The following AHCTF1 variants were observed in gnomAD, a reference collection of about 807,000 sequenced individuals.
The protein encoded by AHCTF1 is protein ELYS.
AHCTF1 carries 24 observed loss-of-function variants against 248.4 expected under a neutral mutation model. The ratio of observed to expected loss-of-function variants is 0.10; its 90% CI spans 0.07 to 0.14. The LOEUF is 0.14. AHCTF1 is among the 10% of genes least tolerant of loss of function. AHCTF1 has a pLI of 1.00. For synonymous variants in AHCTF1, 786 were observed against 929.8 expected (o/e 0.85, Z 2.81); for missense variants, 2,206 against 2,636.2 (o/e 0.84, Z 3.57).
chr1:246,863,987 T>A lies in AHCTF1; in HGVS notation c.3477A>T (p.Gly1159=). ...AAGCCCTGGAGATGGCCTGAGGCGA[T>A]CCTTTTAATTGCGAACTTGAGGGCA... ...RSLPSSSQLK[G]SPQAISRASE... Residue 1159 remains glycine (G), a synonymous_variant, in exon 27 of 36, where the codon GGA becomes GGT. Coordinates refer to ENST00000648844, the MANE Select transcript of AHCTF1 (RefSeq NM_001323342.2). 2.5e-6 allele frequency: 4 copies of A among 1,614,120 alleles called. No homozygotes were observed. Among genetic ancestry groups the A allele is most frequent in the Non-Finnish European group, 3.4e-6 (4 of 1,180,024 alleles).
intron 10 of AHCTF1, 123 bp downstream of exon 10, chr1:246,899,942 C>T (rs747079897): frequency 3.0e-5 from 28 of 930,252 alleles, no homozygotes; most frequent in Middle Eastern, 3.5e-4. Flanking sequence ...CCTAAGTTAT[C>T]CATATGTTAA....
chr1:246,926,872 C>T (rs1666953159), intron 1 of AHCTF1, among the ~76,000 whole-genome samples: 1 of 150,938 alleles, frequency 6.6e-6, no homozygotes, highest in Admixed American at 6.6e-5. Flanking sequence ...AAACAAGTCT[C>T]AAAACAAACA....
At position 246,931,878 on chromosome 1, in the gene AHCTF1, C is replaced by T. The variant is rs896428530; in HGVS notation, c.-308G>A. ...CCCGCCGCGCTTCTGGGTCCTTCCC[C>T]TTGCAACGCTGCCTGCTCGCCTCGG... is the stretch of plus-strand genomic sequence containing the variant. On this transcript the variant is annotated 5_prime_UTR_variant, in exon 1 of 36. Transcript: ENST00000648844. 6.5e-6 allele frequency: 1 copy of T among 152,680 alleles called. No individual in the cohort carries two copies. The highest frequency in any genetic ancestry group is 2.4e-5 in the African/African-American group (1 of 41,474). 9.5% of individuals were successfully genotyped at this position (152,680 alleles called of 1,614,324 possible).
intron 29 of AHCTF1, 34 bp from the exon 30 acceptor site, chr1:246,857,848 C>CTAAA (rs1438372243): frequency 6.5e-7 from 1 of 1,548,312 alleles, no homozygotes; most frequent in African/African-American, 1.4e-5. Flanking sequence ...ATTATTTATG[C>CTAAA]TAAATATTTA....
intron 1 of AHCTF1, among the ~76,000 whole-genome samples, chr1:246,926,628 G>C (rs1228128335): frequency 6.6e-6 from 1 of 152,162 alleles, no homozygotes; most frequent in African/African-American, 2.4e-5. Context: ...AGCTGAGGTG[G>C]GTGGATCACC....
chr1:246,876,391 C>T (rs1662969001), intron 23 of AHCTF1, among the ~76,000 whole-genome samples: 1 of 152,142 alleles, frequency 6.6e-6, no homozygotes, highest in African/African-American at 2.4e-5. Context: ...AATCTCGCTA[C>T]CAAGCCTTGA....
At chr1:246,870,091 G>A (rs1020953789) in intron 24 of AHCTF1, among the ~76,000 whole-genome samples, 1 of 152,098 alleles carries the variant, frequency 6.6e-6, no homozygotes, top group African/African-American at 2.4e-5. Context: ...AGGGCTTCAA[G>A]ACTTCAGTGG....
At chr1:246,905,434 T>C (rs555618531) in intron 6 of AHCTF1, 107 bp downstream of exon 6, 5 of 797,842 alleles carry the variant, frequency 6.3e-6, no homozygotes, top group Admixed American at 4.2e-5. Context: ...GAGGCGGAGG[T>C]TGCAGTGAGC....
intron 1 of AHCTF1, among the ~76,000 whole-genome samples, chr1:246,924,440 A>T (rs1475300992): frequency 6.6e-6 from 1 of 151,988 alleles, no homozygotes; most frequent in Non-Finnish European, 1.5e-5. Context: ...TATGGCTTGG[A>T]TTTCTTATAA....
chr1:246,891,743 T>A, intron 15 of AHCTF1, 36 bp downstream of exon 15: 1 of 1,597,724 alleles, frequency 6.3e-7, no homozygotes, highest in Non-Finnish European at 8.5e-7. Context: ...AAGTAAAATT[T>A]AATAAAACAC....
chr1:246,895,754 ATAAC>A (rs1322379188), intron 13 of AHCTF1, 77 bp downstream of exon 13: 7 of 1,207,200 alleles, frequency 5.8e-6, no homozygotes, highest in South Asian at 2.9e-5. Context: ...CAAAATTAAA[ATAAC>A]TAAGAAAAAA....
At chr1:246,874,248 G>A (rs368127317) in intron 24 of AHCTF1, among the ~76,000 whole-genome samples, 1 of 152,044 alleles carries the variant, frequency 6.6e-6, no homozygotes, top group African/African-American at 2.4e-5. Context: ...TCTTTGAGGT[G>A]GGCCTCTGTC....
intron 26 of AHCTF1, among the ~76,000 whole-genome samples, chr1:246,866,517 C>G (rs1661991309): frequency 6.6e-6 from 1 of 152,128 alleles, no homozygotes; most frequent in South Asian, 2.1e-4. Flanking sequence ...CTCTGTACTT[C>G]TGGCCTCAGT....
In AHCTF1 at chr1:246,851,266, T is replaced by A. The variant is rs773848576; in HGVS notation, c.4740A>T (p.Glu1580Asp). Residue 1580 changes from glutamate to aspartate, a missense_variant, in exon 33 of 36, where the codon GAA becomes GAT. By Grantham distance (45) the Glu-to-Asp change is conservative (BLOSUM62 2). Around this residue, in one of 6 missense-constraint regions of AHCTF1, gnomAD observed 955 missense variants for 1,055.6 expected, o/e 0.90. Coordinates refer to ENST00000648844, the MANE Select transcript of AHCTF1 (RefSeq NM_001323342.2). ...NKDTAECDIAEVDGELFVAQS... is the reference protein window; with the variant it reads ...NKDTAECDIADVDGELFVAQS... Reference sequence around the variant, plus strand: ...GAGCCACAAAAAGTTCCCCATCTACTTCAGCAATGTCACATTCAGCAGTGT... The same window carrying A: ...GAGCCACAAAAAGTTCCCCATCTACATCAGCAATGTCACATTCAGCAGTGT... The A allele has an allele frequency of 6.2e-7, 1 of 1,613,986 alleles. No individual in the cohort carries two copies. Among genetic ancestry groups the A allele is most frequent in the Non-Finnish European group, 8.5e-7 (1 of 1,179,870 alleles).
At chr1:246,874,489 A>T (rs1662804791) in intron 24 of AHCTF1, among the ~76,000 whole-genome samples, 1 of 152,156 alleles carries the variant, frequency 6.6e-6, no homozygotes, top group African/African-American at 2.4e-5. Context: ...AAATGCTAGG[A>T]CCACTAAAAA....
At chr1:246,892,617 G>T (rs1052012387) in intron 14 of AHCTF1, among the ~76,000 whole-genome samples, 4 of 151,706 alleles carry the variant, frequency 2.6e-5, no homozygotes, top group African/African-American at 9.7e-5. Flanking sequence ...CACTGTGCCC[G>T]ACCTAATTTG....
At chr1:246,895,403 C>T (rs2800221) in intron 13 of AHCTF1, among the ~76,000 whole-genome samples, 92,166 of 152,026 alleles carry the variant, frequency 0.61, 30,169 homozygotes, top group African/African-American at 0.87. Context: ...AGACAATATG[C>T]GTTTGGGGTG....
intron 1 of AHCTF1, among the ~76,000 whole-genome samples, chr1:246,928,524 C>T (rs759755437): frequency 9.9e-5 from 15 of 151,992 alleles, no homozygotes; most frequent in Non-Finnish European, 1.3e-4. Flanking sequence ...GCATGTTAAA[C>T]AATAAAATCA....
Position 246,891,898 on chromosome 1 carries a change from G to A in AHCTF1, c.1826C>T (p.Ser609Leu), listed in dbSNP as rs896967074. ...AGTTTGTGGATCCATGAAATGACACGAACCATCAAATAATGGCACACCTTT... is the reference window on the plus strand; with the variant it reads ...AGTTTGTGGATCCATGAAATGACACAAACCATCAAATAATGGCACACCTTT... The part of the protein sequence containing the change: ...DRLCVPLFDG[S>L]CHFMDPQTIQ... The change falls in exon 15 of 36, where the codon TCG becomes TTG. Residue 609 changes from serine to leucine, a missense_variant. Physicochemically the swap from Ser to Leu is moderately radical, Grantham distance 145. This residue lies in a region of AHCTF1 where 650 missense variants were observed against 870.8 expected (regional missense o/e 0.75). Transcript: ENST00000648844. The A allele has an allele frequency of 5.6e-6, 9 of 1,595,056 alleles. No homozygotes were observed. The highest frequency in any genetic ancestry group is 2.3e-5 in the East Asian group (1 of 43,898).
Sources: gnomAD v4.1 joint callset for allele counts (sites outside exome capture counted in the v4.1 genomes callset) on GRCh38, gnomAD v4.1.1 for gene constraint, gnomAD v4.1.1 regional missense constraint, MANE v1.5 for transcripts, NCBI Gene and HGNC (gene_info 2026-07-23, HGNC 2026-07-21) for gene names.